Variants in MIER2 observed in about 807,000 individuals in gnomAD.
The protein encoded by MIER2 is mesoderm induction early response protein 2.
A neutral mutation model predicts 67.6 loss-of-function variants in MIER2; 30 were observed. The observed-to-expected ratio is 0.44, with a 90% CI of 0.33 to 0.60. The LOEUF is 0.60. MIER2 is among the 20% of genes least tolerant of loss of function. The probability of loss-of-function intolerance (pLI) is 0.02; values close to 1 mark genes in which losing one functional copy is unlikely to be tolerated. For missense variants in MIER2, 702 were observed against 745.1 expected, an observed-to-expected ratio of 0.94 and a Z score of 0.67; for synonymous variants, 372 against 312.6, an observed-to-expected ratio of 1.19 and a Z score of -2.00.
chr19:325,954 A>G (rs966818293), intron 6 of MIER2, among the ~76,000 whole-genome samples: 2 of 152,210 alleles, frequency 1.3e-5, no homozygotes, highest in Non-Finnish European at 2.9e-5. Context: ...GTCGGAGGAC[A>G]AACACTCTGG....
At position 308,571 on chromosome 19, in the gene MIER2, C is replaced by G. The variant is rs1428880347; in HGVS notation, c.1198+6G>C. The G allele has an allele frequency of 3.8e-6, 6 of 1,595,336 alleles. No homozygotes were observed. Among genetic ancestry groups the G allele is most frequent in the Non-Finnish European group, 5.1e-6 (6 of 1,173,068 alleles). Reference sequence around the variant, plus strand: ...CCCAGGGCAGGAGATACTCCCCAAGCCTCACCTGTGCGCATCCCAGTCAGG... The same window carrying G: ...CCCAGGGCAGGAGATACTCCCCAAGGCTCACCTGTGCGCATCCCAGTCAGG... On this transcript the variant is annotated splice_donor_region_variant and intron_variant, in intron 12 of 13. Coordinates refer to ENST00000264819, the MANE Select transcript of MIER2 (RefSeq NM_017550.3). This position sits in a 1 kb window ranked among gnomAD's most constrained non-coding sequence, Gnocchi z 9.1.
chr19:317,022 G>A (rs547471249), intron 7 of MIER2, among the ~76,000 whole-genome samples: 4 of 152,168 alleles, frequency 2.6e-5, no homozygotes, highest in African/African-American at 4.8e-5. Flanking sequence ...CCTCTAAAGC[G>A]CTAAAACTAA....
intron 3 of MIER2, among the ~76,000 whole-genome samples, chr19:329,899 A>C (rs1326872843): frequency 6.7e-6 from 1 of 149,866 alleles, no homozygotes; most frequent in Non-Finnish European, 1.5e-5. Flanking sequence ...AAGATGCTGG[A>C]CAAAGTGAGC....
intron 3 of MIER2, among the ~76,000 whole-genome samples, chr19:331,607 T>C (rs2145505601): frequency 6.6e-6 from 1 of 152,194 alleles, no homozygotes; most frequent in African/African-American, 2.4e-5. Context: ...AGTTCGAGGC[T>C]GCAGTAAACT....
chr19:312,278 G>A lies in MIER2; in HGVS notation c.808-6C>T, dbSNP rs1462566715. The stretch of plus-strand genomic sequence containing the variant: ...TTCACCAACTCGTACAGCGCCTGGG[G>A]AGAGGACATGTTGGCTCTTCCATGG... On this transcript the variant is annotated splice_polypyrimidine_tract_variant and splice_region_variant and intron_variant, in intron 8 of 13. Coordinates refer to ENST00000264819, the MANE Select transcript of MIER2 (RefSeq NM_017550.3). The A allele has an allele frequency of 2.5e-6, 4 of 1,613,486 alleles. No individual in the cohort carries two copies. The African/African-American group carries it at 4.0e-5, about 16-fold the overall frequency.
At chr19:328,140 C>A in intron 3 of MIER2, 151 bp from the exon 4 acceptor site, 1 of 1,092,128 alleles carries the variant, frequency 9.2e-7, no homozygotes, top group South Asian at 1.6e-5. Context: ...CCCAGCCAGA[C>A]CTCAGGCCCA....
chr19:308,492 C>A lies in MIER2; in HGVS notation c.1198+85G>T. The A allele has an allele frequency of 7.1e-7, 1 of 1,403,722 alleles. No homozygotes were observed. The highest frequency in any genetic ancestry group is 9.6e-7 in the Non-Finnish European group (1 of 1,038,016). 87.0% of individuals were successfully genotyped at this position (1,403,722 alleles called of 1,614,324 possible). On this transcript the variant is annotated intron_variant, in intron 12 of 13. Transcript: ENST00000264819. The surrounding 1 kb of genome is among the most constrained non-coding windows in gnomAD (Gnocchi z 9.1). ...GCGAGGCTGGCCCAGCACAGGGCGC[C>A]AGGCAGGAGAGGCTCCACCGGGCCT...
At chr19:309,771 G>A (rs1381404864) in intron 10 of MIER2, among the ~76,000 whole-genome samples, 2 of 130,036 alleles carry the variant, frequency 1.5e-5, no homozygotes, top group East Asian at 4.6e-4. Context: ...CAAGGCTTCA[G>A]GGAGACGAGA....
chr19:308,750 C>G lies in MIER2; in HGVS notation c.1109+51G>C. 6.3e-7 allele frequency: 1 copy of G among 1,593,180 alleles called. No homozygotes were observed. Among genetic ancestry groups the G allele is most frequent in the Non-Finnish European group, 8.6e-7 (1 of 1,165,450 alleles). On this transcript the variant is annotated intron_variant, in intron 11 of 13. Transcript: ENST00000264819. The surrounding 1 kb of genome is among the most constrained non-coding windows in gnomAD (Gnocchi z 9.1). The stretch of plus-strand genomic sequence containing the variant: ...TGCCGCCCAGGCGCCCACGTGCCCA[C>G]CCCCGGCGGGGTGGCCGCCTGTCGT...
chr19:339,533 T>C (rs574252132), intron 1 of MIER2, among the ~76,000 whole-genome samples: 2 of 152,274 alleles, frequency 1.3e-5, no homozygotes, highest in East Asian at 3.9e-4. Context: ...CTTTGGAAAA[T>C]AGTCCAGCAA....
chr19:330,077 G>C (rs1472697758), intron 3 of MIER2, among the ~76,000 whole-genome samples: 3 of 152,118 alleles, frequency 2.0e-5, no homozygotes, highest in Non-Finnish European at 2.9e-5. Flanking sequence ...TCACCTGAAA[G>C]AATGCTGGCC....
At chr19:320,220 C>CAA (rs35481848) in intron 7 of MIER2, among the ~76,000 whole-genome samples, 24 of 148,874 alleles carry the variant, frequency 1.6e-4, no homozygotes, top group African/African-American at 4.2e-4. Context: ...ACAAAATAAA[C>CAA]AAAAAAAAAA....
intron 13 of MIER2, 48 bp downstream of exon 13, chr19:307,071 G>A: frequency 1.3e-6 from 2 of 1,524,234 alleles, no homozygotes; most frequent in Non-Finnish European, 1.8e-6. Flanking sequence ...GGGCTGGGGG[G>A]ACCTGGTTGG....
intron 7 of MIER2, among the ~76,000 whole-genome samples, chr19:317,880 T>C (rs1485487277): frequency 1.3e-5 from 2 of 152,252 alleles, no homozygotes; most frequent in South Asian, 2.1e-4. Flanking sequence ...AAAAGTCTAT[T>C]AAAAGACAAT....
intron 1 of MIER2, chr19:344,390 C>A (rs1306542793): frequency 3.3e-5 from 32 of 984,452 alleles, no homozygotes; most frequent in Non-Finnish European, 3.9e-5. Flanking sequence ...GGGAGGCCTG[C>A]GCGCCGCGGG....
intron 1 of MIER2, chr19:344,244 C>A (rs1003458392): frequency 4.1e-6 from 4 of 985,360 alleles, no homozygotes; most frequent in African/African-American, 1.7e-5. Context: ...GAGTTCAAAT[C>A]CCGCCCGGGG....
chr19:313,211 G>A (rs1014655673), intron 8 of MIER2, among the ~76,000 whole-genome samples: 1 of 151,664 alleles, frequency 6.6e-6, no homozygotes, highest in Non-Finnish European at 1.5e-5. Flanking sequence ...CCATCCTCCT[G>A]GGCGATGTCA....
intron 3 of MIER2, among the ~76,000 whole-genome samples, chr19:333,800 C>T (rs1479821883): frequency 1.4e-5 from 2 of 147,358 alleles, no homozygotes; most frequent in East Asian, 2.0e-4. Context: ...GTCATTCTCC[C>T]GCCTCAGCCT....
intron 7 of MIER2, among the ~76,000 whole-genome samples, chr19:314,367 T>C (rs1441963477): frequency 6.6e-6 from 1 of 152,176 alleles, no homozygotes; most frequent in Non-Finnish European, 1.5e-5. Context: ...GGGACGTGAC[T>C]GGGGACAAGG....
Sources: allele counts gnomAD v4.1 joint callset (sites outside exome capture counted in the v4.1 genomes callset), GRCh38; gene constraint gnomAD v4.1.1; non-coding constraint Gnocchi (gnomAD v3.1); transcripts MANE v1.5; gene names NCBI Gene and HGNC (gene_info 2026-07-23, HGNC 2026-07-21).